PDE4B: variants seen among roughly 807,000 people sequenced by gnomAD.
PDE4B encodes phosphodiesterase 4B.
In PDE4B, 20 loss-of-function variants were observed where a neutral mutation model predicts 82.2. The ratio of observed to expected loss-of-function variants is 0.24; its 90% CI spans 0.17 to 0.35. PDE4B has a LOEUF of 0.35. Ranked by LOEUF, PDE4B falls within the 10% of genes least tolerant of loss-of-function variation. PDE4B has a pLI of 1.00. For missense variants in PDE4B, 655 were observed against 907.2 expected, an observed-to-expected ratio of 0.72 and a Z score of 3.57; for synonymous variants, 320 against 318.9, an observed-to-expected ratio of 1.00 and a Z score of -0.04.
chr1:65,991,186 T>G (rs2100677393), intron 3 of PDE4B, among the ~76,000 whole-genome samples: 1 of 152,148 alleles, frequency 6.6e-6, no homozygotes, highest in Admixed American at 6.5e-5. Context: ...CAAGTGATTC[T>G]CGTGCCTCAT....
At chr1:66,206,368 CG>C (rs1649554840) in intron 3 of PDE4B, among the ~76,000 whole-genome samples, 1 of 152,034 alleles carries the variant, frequency 6.6e-6, no homozygotes, top group South Asian at 2.1e-4. Flanking sequence ...GAATCTCTAG[CG>C]GGGGGATACA....
intron 3 of PDE4B, among the ~76,000 whole-genome samples, chr1:66,148,624 C>T (rs1021001513): frequency 1.3e-5 from 2 of 152,130 alleles, no homozygotes; most frequent in Non-Finnish European, 2.9e-5. Flanking sequence ...CCCTAAGAAA[C>T]CCTTTATTAA....
intron 3 of PDE4B, among the ~76,000 whole-genome samples, chr1:65,995,126 A>G (rs1176514365): frequency 6.6e-6 from 1 of 152,172 alleles, no homozygotes; most frequent in Non-Finnish European, 1.5e-5. Flanking sequence ...AAAATAATTC[A>G]TTAATCATTA....
rs192261544 is a variant in PDE4B at position 66,259,992 on chromosome 1, T to C, written c.584+2129T>C. ...AGGGTTGTTATGAGGATTAAATGAATTGATATTTGCAAAGCACTTAAAACA... is the reference window on the plus strand; with the variant it reads ...AGGGTTGTTATGAGGATTAAATGAACTGATATTTGCAAAGCACTTAAAACA... On this transcript the variant is annotated intron_variant, in intron 6 of 16. Transcript: ENST00000341517. Among the ~76,000 whole-genome samples, 3 of 152,292 alleles carry C rather than the reference T, an allele frequency of 2.0e-5. No individual in the cohort carries two copies. The East Asian group carries it at 5.8e-4, about 29-fold the overall frequency.
At chr1:66,316,858 G>A (rs914540847) in intron 7 of PDE4B, among the ~76,000 whole-genome samples, 4 of 152,166 alleles carry the variant, frequency 2.6e-5, no homozygotes, top group Admixed American at 6.5e-5. Context: ...ACAAAATTTT[G>A]TTTTTCTAAA....
At chr1:66,171,329 A>T (rs1012050872) in intron 3 of PDE4B, among the ~76,000 whole-genome samples, 6 of 152,314 alleles carry the variant, frequency 3.9e-5, no homozygotes, top group Non-Finnish European at 5.9e-5. Flanking sequence ...GAAGGCAGTC[A>T]TGTACTTTAT....
At chr1:66,191,051 A>G (rs1647760068) in intron 3 of PDE4B, among the ~76,000 whole-genome samples, 1 of 152,176 alleles carries the variant, frequency 6.6e-6, no homozygotes, top group African/African-American at 2.4e-5. Context: ...GTTGAAATAT[A>G]TTTATATTCA....
At chr1:66,291,267 G>A (rs1657057339) in intron 7 of PDE4B, among the ~76,000 whole-genome samples, 1 of 152,060 alleles carries the variant, frequency 6.6e-6, no homozygotes, top group Non-Finnish European at 1.5e-5. Context: ...GCTTTAGGGA[G>A]GTTAAATAAT....
intron 3 of PDE4B, among the ~76,000 whole-genome samples, chr1:66,232,126 A>C (rs1264087384): frequency 1.3e-5 from 2 of 152,244 alleles, no homozygotes; most frequent in Non-Finnish European, 2.9e-5. Context: ...GCTTTAATAG[A>C]ATCATCATAC....
At chr1:66,292,522 C>T (rs371683342) in intron 7 of PDE4B, among the ~76,000 whole-genome samples, 1 of 152,138 alleles carries the variant, frequency 6.6e-6, no homozygotes, top group Non-Finnish European at 1.5e-5. Flanking sequence ...TTTAATAATA[C>T]TGACTTTGCA....
Position 66,022,170 on chromosome 1 carries a change from C to T in PDE4B, c.281+103335C>T, listed in dbSNP as rs1355956293. On this transcript the variant is annotated intron_variant, in intron 3 of 16. Transcript: ENST00000341517. ...TGCACATTGATTTTGTATCATGAGACTTTGCTGAAGTTGCTTATCAGCTTA... is the reference window on the plus strand; with the variant it reads ...TGCACATTGATTTTGTATCATGAGATTTTGCTGAAGTTGCTTATCAGCTTA... 8.5e-5 allele frequency among the ~76,000 whole-genome samples: 13 copies of T among 152,174 alleles called. 1 individual carries two copies. The highest frequency in any genetic ancestry group is 7.9e-4 in the Admixed American group (12 of 15,278).
intron 1 of PDE4B, among the ~76,000 whole-genome samples, chr1:65,832,342 TA>T (rs1436395752): frequency 3.3e-5 from 5 of 151,942 alleles, no homozygotes; most frequent in East Asian, 3.8e-4. Context: ...TGGCTAAAGA[TA>T]AAAAAAATGA....
intron 8 of PDE4B, among the ~76,000 whole-genome samples, chr1:66,343,812 A>T (rs528781109): frequency 1.3e-5 from 2 of 152,340 alleles, no homozygotes; most frequent in African/African-American, 4.8e-5. Flanking sequence ...GAATGCTGGC[A>T]TGGGTAATGA....
At chr1:65,878,849 GTAAC>G (rs1361816325) in intron 1 of PDE4B, among the ~76,000 whole-genome samples, 2 of 152,160 alleles carry the variant, frequency 1.3e-5, no homozygotes, top group East Asian at 3.9e-4. Context: ...GTATACCTAT[GTAAC>G]TAACCTGCAT....
At chr1:66,287,560 A>G (rs1180601964) in intron 7 of PDE4B, among the ~76,000 whole-genome samples, 2 of 152,174 alleles carry the variant, frequency 1.3e-5, no homozygotes, top group Non-Finnish European at 2.9e-5. Context: ...GAGGGTGAGG[A>G]GGAAGACTCC....
At chr1:66,083,775 T>C (rs534739395) in intron 3 of PDE4B, among the ~76,000 whole-genome samples, 44 of 152,316 alleles carry the variant, frequency 2.9e-4, no homozygotes, top group Middle Eastern at 6.8e-3. Flanking sequence ...GGAAAATCTG[T>C]AACTCTCCCT....
chr1:66,240,265 G>T (rs1236004965), intron 3 of PDE4B, among the ~76,000 whole-genome samples: 1 of 152,216 alleles, frequency 6.6e-6, no homozygotes, highest in Non-Finnish European at 1.5e-5. Context: ...CCATTCATTT[G>T]TTCATTTGTT....
intron 3 of PDE4B, among the ~76,000 whole-genome samples, chr1:66,183,516 G>A (rs956983905): frequency 1.1e-4 from 16 of 152,084 alleles, no homozygotes; most frequent in African/African-American, 1.4e-4. Context: ...TAATAACTGA[G>A]TAGCTTTCAT....
intron 3 of PDE4B, among the ~76,000 whole-genome samples, chr1:65,988,705 C>T (rs1451930083): frequency 2.6e-5 from 4 of 151,772 alleles, no homozygotes; most frequent in African/African-American, 7.3e-5. Flanking sequence ...CTCAAATATC[C>T]AGCTTTGTAT....
Sources: gnomAD v4.1 joint callset for allele counts (sites outside exome capture counted in the v4.1 genomes callset) on GRCh38, gnomAD v4.1.1 for gene constraint, MANE v1.5 for transcripts, NCBI Gene and HGNC (gene_info 2026-07-23, HGNC 2026-07-21) for gene names.